ABCC11: variants seen among roughly 807,000 people sequenced by gnomAD.
ABCC11 encodes the protein ATP binding cassette subfamily C member 11, also known as ATP-binding cassette sub-family C member 11.
A neutral mutation model predicts 149.3 loss-of-function variants in ABCC11; 135 were observed. The ratio of observed to expected loss-of-function variants is 0.90; its 90% CI spans 0.79 to 1.04. The LOEUF (loss-of-function observed/expected upper bound fraction) is 1.04, where lower values mean the gene tolerates loss of function less well. Ranked by LOEUF, ABCC11 falls within the 50% of genes least tolerant of loss-of-function variation. ABCC11 has a pLI of 0.00. For missense variants in ABCC11, 1,680 were observed against 1,722.1 expected (o/e 0.98, Z 0.43); for synonymous variants, 665 against 671.4 (o/e 0.99, Z 0.15).
chr16:48,178,573 A>ACCAGAC (rs1350770879), intron 24 of ABCC11, 24 bp downstream of exon 24: 13 of 1,612,510 alleles, frequency 8.1e-6, no homozygotes, highest in Non-Finnish European at 1.1e-5. Flanking sequence ...GGCTCCCCAC[A>ACCAGAC]CCAGACCCAG....
At chr16:48,217,252 C>CT (rs1245925282) in intron 6 of ABCC11, among the ~76,000 whole-genome samples, 2 of 151,792 alleles carry the variant, frequency 1.3e-5, no homozygotes, top group Admixed American at 6.6e-5. Context: ...AAATTTTCTC[C>CT]TTTTTTTTCT....
At chr16:48,228,124 C>A (rs1432438957) in intron 3 of ABCC11, among the ~76,000 whole-genome samples, 160 bp from the exon 4 acceptor site, 1 of 151,866 alleles carries the variant, frequency 6.6e-6, no homozygotes, top group African/African-American at 2.4e-5. Context: ...AACAAAAGTG[C>A]CCATTAATTG....
chr16:48,203,087 C>T, intron 14 of ABCC11, 141 bp downstream of exon 14: 1 of 939,970 alleles, frequency 1.1e-6, no homozygotes, highest in Non-Finnish European at 1.6e-6. Context: ...GGAAGCTTTG[C>T]TCCTCCTGCA....
At chr16:48,220,522 G>A (rs1322869265) in intron 6 of ABCC11, among the ~76,000 whole-genome samples, 3 of 152,156 alleles carry the variant, frequency 2.0e-5, no homozygotes, top group Admixed American at 2.0e-4. Context: ...GGAGCTCAAG[G>A]CCTAATGGAA....
At position 48,205,349 on chromosome 16, in the gene ABCC11, G is replaced by A. The variant is rs950334302; in HGVS notation, c.1805+64C>T. ...AGCAGTTGTCAGGTTACCGTTTGAA[G>A]CTGGAGGTGCCCCCAGACCAGCCAC... On this transcript the variant is annotated intron_variant, in intron 13 of 29. Coordinates refer to ENST00000356608, the MANE Select transcript of ABCC11 (RefSeq NM_001370497.1). 17 of 1,599,958 alleles carry A rather than the reference G, an allele frequency of 1.1e-5. No homozygotes were observed. The African/African-American group carries it at 1.2e-4, about 11-fold the overall frequency.
chr16:48,192,883 C>T (rs1438201338), intron 19 of ABCC11, among the ~76,000 whole-genome samples, 166 bp from the exon 20 acceptor site: 1 of 152,182 alleles, frequency 6.6e-6, no homozygotes, highest in Non-Finnish European at 1.5e-5. Context: ...GCCCTTCATT[C>T]CCACTGCCCT....
chr16:48,216,063 C>T, intron 7 of ABCC11, 51 bp downstream of exon 7: 2 of 1,567,210 alleles, frequency 1.3e-6, no homozygotes, highest in South Asian at 1.1e-5. Flanking sequence ...ATTCCAGAGC[C>T]CTGGGACTTC....
At chr16:48,228,773 G>A (rs1255332876) in intron 3 of ABCC11, among the ~76,000 whole-genome samples, 1 of 152,114 alleles carries the variant, frequency 6.6e-6, no homozygotes, top group Admixed American at 6.6e-5. Flanking sequence ...TAATTCTTCT[G>A]TGAAACTTTT....
intron 1 of ABCC11, among the ~76,000 whole-genome samples, chr16:48,236,031 G>C (rs1970669660): frequency 6.6e-6 from 1 of 152,194 alleles, no homozygotes; most frequent in Non-Finnish European, 1.5e-5. Flanking sequence ...AGGGCAAGGA[G>C]CCAGAAGCAC....
At chr16:48,224,085 C>T (rs550054038) in intron 5 of ABCC11, among the ~76,000 whole-genome samples, 197 bp downstream of exon 5, 1 of 152,254 alleles carries the variant, frequency 6.6e-6, no homozygotes, top group East Asian at 1.9e-4. Flanking sequence ...CAAGCAGTGG[C>T]TACAGGGCCA....
chr16:48,183,528 G>A (rs546161236), intron 23 of ABCC11, among the ~76,000 whole-genome samples: 3 of 152,336 alleles, frequency 2.0e-5, no homozygotes, highest in East Asian at 1.9e-4. Context: ...TTGGGAGACC[G>A]AGGCCAGTGG....
chr16:48,200,199 T>C, intron 15 of ABCC11, 77 bp downstream of exon 15: 2 of 1,461,154 alleles, frequency 1.4e-6, no homozygotes, highest in Non-Finnish European at 9.4e-7. Context: ...TGTTATTGAA[T>C]CACACTCTGA....
intron 7 of ABCC11, among the ~76,000 whole-genome samples, chr16:48,215,835 C>G (rs1021074110): frequency 6.6e-6 from 1 of 152,188 alleles, no homozygotes; most frequent in Non-Finnish European, 1.5e-5. Context: ...GAACAAAAAT[C>G]TCGCACAGAG....
chr16:48,178,610 A>G lies in ABCC11; in HGVS notation c.3335T>C (p.Leu1112Pro). 2 of 1,614,152 alleles carry G rather than the reference A, an allele frequency of 1.2e-6. No individual in the cohort carries two copies. The highest frequency in any genetic ancestry group is 1.7e-6 in the Non-Finnish European group (2 of 1,180,006). ...EAQFTAVERI[L>P]QYMKMCVSEA... ...CCTGAACCCCACCTTCATGTACTGC[A>G]GTATCCTCTCTACAGCCGTGAACTG... The change falls in exon 24 of 30, where the codon CTG (leucine) becomes CCG (proline). Residue 1112 changes from leucine to proline, a missense_variant. Transcript: ENST00000356608.
chr16:48,219,040 A>T (rs943106049), intron 6 of ABCC11, among the ~76,000 whole-genome samples: 2 of 152,198 alleles, frequency 1.3e-5, no homozygotes, highest in Non-Finnish European at 2.9e-5. Context: ...TACATTTTCT[A>T]TTGGCAAAAC....
chr16:48,207,653 A>G (rs1968556605), intron 12 of ABCC11, among the ~76,000 whole-genome samples: 1 of 152,088 alleles, frequency 6.6e-6, no homozygotes, highest in African/African-American at 2.4e-5. Flanking sequence ...GATGTGTCAA[A>G]AAAAAGAAGA....
chr16:48,187,126 C>T, intron 21 of ABCC11, 36 bp from the exon 22 acceptor site: 1 of 1,614,024 alleles, frequency 6.2e-7, no homozygotes, highest in Non-Finnish European at 8.5e-7. Context: ...CCTGGACCGT[C>T]CACCTCTGGG....
chr16:48,180,601 T>C (rs1006371446), intron 23 of ABCC11, among the ~76,000 whole-genome samples: 3 of 152,152 alleles, frequency 2.0e-5, no homozygotes, highest in African/African-American at 7.2e-5. Flanking sequence ...TGCAAAGCAA[T>C]GTGATGTGTG....
At chr16:48,242,299 T>G (rs1372907063) in intron 1 of ABCC11, among the ~76,000 whole-genome samples, 1 of 152,172 alleles carries the variant, frequency 6.6e-6, no homozygotes, top group Non-Finnish European at 1.5e-5. Flanking sequence ...GAAAAAATGC[T>G]CATCATCAGT....
Sources: allele counts gnomAD v4.1 joint callset (sites outside exome capture counted in the v4.1 genomes callset), GRCh38; gene constraint gnomAD v4.1.1; transcripts MANE v1.5; gene names NCBI Gene and HGNC (gene_info 2026-07-23, HGNC 2026-07-21).